ANO6: variants seen among roughly 807,000 people sequenced by gnomAD.
ANO6 encodes the protein anoctamin 6.
Under a neutral mutation model 117.5 loss-of-function variants are expected in ANO6, and 106 were observed. The ratio of observed to expected loss-of-function variants is 0.90; its 90% CI spans 0.77 to 1.06. The LOEUF is 1.06. Ranked by LOEUF, ANO6 falls within the 50% of genes least tolerant of loss-of-function variation. The pLI, the probability that ANO6 is intolerant of heterozygous loss-of-function variation, is 0.00. For synonymous variants in ANO6, 367 were observed against 385.1 expected, an observed-to-expected ratio of 0.95 and a Z score of 0.55; for missense variants, 955 against 1,121.1, an observed-to-expected ratio of 0.85 and a Z score of 2.12.
At chr12:45,388,101 G>C in intron 10 of ANO6, 60 bp from the exon 11 acceptor site, 1 of 1,597,704 alleles carries the variant, frequency 6.3e-7, no homozygotes, top group Non-Finnish European at 8.6e-7. Flanking sequence ...ATTCAGTACA[G>C]ATTTCTGAAA....
At chr12:45,433,344 C>CTTAT (rs1199261166), downstream of ANO6, among the ~76,000 whole-genome samples, 3 of 152,196 alleles carry the variant, frequency 2.0e-5, no homozygotes, top group African/African-American at 7.2e-5. Flanking sequence ...ATGGTCTTTG[C>CTTAT]TTATTTCCAC....
chr12:45,231,931 T>C (rs995135126), intron 1 of ANO6, among the ~76,000 whole-genome samples: 5 of 152,166 alleles, frequency 3.3e-5, no homozygotes, highest in Non-Finnish European at 7.4e-5. Context: ...AAAATACTTA[T>C]TTGGAAGAGT....
At chr12:45,427,936 CAAAAAA>C (rs35996135) in intron 19 of ANO6, among the ~76,000 whole-genome samples, 1,184 of 62,982 alleles carry the variant, frequency 0.019, 15 homozygotes, top group African/African-American at 0.057. Flanking sequence ...GACTCTGCCT[CAAAAAA>C]AAAAAAAAAA....
intron 17 of ANO6, among the ~76,000 whole-genome samples, chr12:45,419,692 C>T (rs531873785): frequency 1.3e-5 from 2 of 152,244 alleles, no homozygotes; most frequent in East Asian, 1.9e-4. Context: ...TCATCAATGA[C>T]AATCATTTAG....
intron 13 of ANO6, among the ~76,000 whole-genome samples, chr12:45,402,714 C>T (rs1942824398): frequency 6.6e-6 from 1 of 152,154 alleles, no homozygotes; most frequent in African/African-American, 2.4e-5. Context: ...TTCAGGAAAA[C>T]AAGAGAATAT....
chr12:45,417,453 C>CACCCT (rs1356146432), intron 17 of ANO6, among the ~76,000 whole-genome samples: 10 of 152,294 alleles, frequency 6.6e-5, no homozygotes, highest in African/African-American at 2.4e-4. Context: ...CTTCCCACCC[C>CACCCT]ACCCTTAGGT....
intron 8 of ANO6, among the ~76,000 whole-genome samples, chr12:45,363,557 C>G (rs1941609135): frequency 6.7e-6 from 1 of 148,154 alleles, no homozygotes; most frequent in South Asian, 2.1e-4. Flanking sequence ...GAGTGAGACT[C>G]TGTCTCAAAA....
chr12:45,354,237 A>G (rs1941354525), intron 7 of ANO6, among the ~76,000 whole-genome samples: 1 of 152,206 alleles, frequency 6.6e-6, no homozygotes, highest in Non-Finnish European at 1.5e-5. Flanking sequence ...TCCTTTGGAA[A>G]GCAAAATGAA....
intron 3 of ANO6, among the ~76,000 whole-genome samples, chr12:45,344,433 C>T (rs2137436899): frequency 6.6e-6 from 1 of 152,256 alleles, no homozygotes; most frequent in Middle Eastern, 3.4e-3. Flanking sequence ...TACAGGAGGC[C>T]TCAGGAAACT....
At chr12:45,254,482 AG>A (rs1329574921) in intron 1 of ANO6, among the ~76,000 whole-genome samples, 2 of 152,246 alleles carry the variant, frequency 1.3e-5, no homozygotes, top group African/African-American at 4.8e-5. Context: ...CCTAGAAGAC[AG>A]GACTGCAGAG....
intron 7 of ANO6, among the ~76,000 whole-genome samples, chr12:45,356,391 C>T (rs920298251): frequency 2.0e-5 from 3 of 152,056 alleles, no homozygotes; most frequent in Admixed American, 6.6e-5. Flanking sequence ...CAGTGACACC[C>T]GCACACACAT....
chr12:45,409,516 A>G (rs568761657), intron 16 of ANO6, 29 bp downstream of exon 16: 2 of 1,608,434 alleles, frequency 1.2e-6, no homozygotes, highest in South Asian at 2.2e-5. Context: ...TTTTAGTGAT[A>G]TAAAACATGT....
intron 1 of ANO6, among the ~76,000 whole-genome samples, chr12:45,275,650 A>G (rs964393980): frequency 6.6e-6 from 1 of 152,172 alleles, no homozygotes; most frequent in East Asian, 1.9e-4. Context: ...AGAGTCATTC[A>G]AGATCTGTGT....
chr12:45,292,073 C>A (rs1939119483), intron 1 of ANO6, among the ~76,000 whole-genome samples: 2 of 152,274 alleles, frequency 1.3e-5, no homozygotes, highest in Non-Finnish European at 2.9e-5. Context: ...TGTCCATCCA[C>A]AGATGAATGG....
At chr12:45,346,618 A>C (rs1941139456) in intron 3 of ANO6, among the ~76,000 whole-genome samples, 1 of 152,168 alleles carries the variant, frequency 6.6e-6, no homozygotes, top group Non-Finnish European at 1.5e-5. Flanking sequence ...CCAAATTTTT[A>C]AAATCTGGAA....
At chr12:45,292,321 G>A (rs1939129266) in intron 1 of ANO6, among the ~76,000 whole-genome samples, 1 of 152,104 alleles carries the variant, frequency 6.6e-6, no homozygotes, top group African/African-American at 2.4e-5. Flanking sequence ...AAAGGGGAAG[G>A]GGAAATGGGG....
intron 7 of ANO6, among the ~76,000 whole-genome samples, chr12:45,352,823 G>A (rs1941316537): frequency 6.6e-6 from 1 of 151,960 alleles, no homozygotes; most frequent in Non-Finnish European, 1.5e-5. Context: ...TTAGTTCAAA[G>A]CAGGATCCAA....
At chr12:45,437,021 A>G (rs1943714807), downstream of ANO6, among the ~76,000 whole-genome samples, 1 of 152,152 alleles carries the variant, frequency 6.6e-6, no homozygotes, top group Non-Finnish European at 1.5e-5. Context: ...CCCCAGGGTT[A>G]TACCTTAACC....
At chr12:45,236,428 G>A (rs1053160844) in intron 1 of ANO6, among the ~76,000 whole-genome samples, 1 of 152,070 alleles carries the variant, frequency 6.6e-6, no homozygotes, top group Non-Finnish European at 1.5e-5. Flanking sequence ...TCCCCACCCT[G>A]TGTCCAAGTG....
Sources: gnomAD v4.1 joint callset for allele counts (sites outside exome capture counted in the v4.1 genomes callset) on GRCh38, gnomAD v4.1.1 for gene constraint, MANE v1.5 for transcripts, NCBI Gene and HGNC (gene_info 2026-07-23, HGNC 2026-07-21) for gene names.